The following SLC25A17 variants were observed in gnomAD, a reference collection of about 807,000 sequenced individuals.
The protein encoded by SLC25A17 is peroxisomal membrane protein PMP34.
SLC25A17 carries 26 observed loss-of-function variants against 38.5 expected under a neutral mutation model. That is an observed-to-expected ratio of 0.68 (90% CI 0.50 to 0.94). SLC25A17 has a LOEUF of 0.94. SLC25A17 is among the 40% of genes least tolerant of loss of function. SLC25A17 has a pLI of 0.00. For synonymous variants in SLC25A17, 139 were observed against 136.2 expected (o/e 1.02, Z -0.14); for missense variants, 333 against 372.7 (o/e 0.89, Z 0.88).
At chr22:40,804,296 T>A (rs1405680167) in intron 1 of SLC25A17, among the ~76,000 whole-genome samples, 2 of 152,086 alleles carry the variant, frequency 1.3e-5, no homozygotes, top group Non-Finnish European at 2.9e-5. Context: ...AGAGCAAGTG[T>A]GTACTTGGGG....
intron 8 of SLC25A17, among the ~76,000 whole-genome samples, chr22:40,773,448 TATGTGTAGCCTCTAG>T (rs2057208067): frequency 1.4e-5 from 2 of 147,250 alleles, no homozygotes; most frequent in Non-Finnish European, 3.0e-5. Context: ...TGAGATTACC[TATGTGTAGCCTCTAG>T]GTCAGTGTCT....
chr22:40,771,161 G>A (rs918090753), intron 8 of SLC25A17, among the ~76,000 whole-genome samples, 180 bp from the exon 9 acceptor site: 4 of 152,236 alleles, frequency 2.6e-5, no homozygotes, highest in Non-Finnish European at 5.9e-5. Flanking sequence ...AGGCTGGAGT[G>A]CAGTGGCGCG....
At chr22:40,784,941 A>T (rs1042643842) in intron 4 of SLC25A17, among the ~76,000 whole-genome samples, 90 of 152,318 alleles carry the variant, frequency 5.9e-4, no homozygotes, top group African/African-American at 2.1e-3. Flanking sequence ...AGTGGTAACT[A>T]ATCTGGCTGT....
chr22:40,773,449 A>G (rs1381810483), intron 8 of SLC25A17, among the ~76,000 whole-genome samples: 1 of 149,000 alleles, frequency 6.7e-6, no homozygotes, highest in Non-Finnish European at 1.5e-5. Context: ...GAGATTACCT[A>G]TGTGTAGCCT....
At chr22:40,774,370 T>C (rs374576893) in intron 7 of SLC25A17, among the ~76,000 whole-genome samples, 29 of 152,216 alleles carry the variant, frequency 1.9e-4, no homozygotes, top group Middle Eastern at 6.8e-3. Context: ...ATTATAGACA[T>C]GTACCACCAC....
rs771447103 is a variant in SLC25A17 at position 40,771,022 on chromosome 22, G to C, written c.777-41C>G. The C allele has an allele frequency of 3.5e-5, 53 of 1,498,840 alleles. 1 individual carries two copies. The South Asian group carries it at 6.8e-4, about 19-fold the overall frequency. 92.8% of individuals were successfully genotyped at this position (1,498,840 alleles called of 1,614,324 possible). On this transcript the variant is annotated intron_variant, in intron 8 of 8. Transcript: ENST00000435456. Reference sequence around the variant, plus strand: ...TTTGAAAAAACAGAAGTCAGCTCCTGCATCAGAGAACATGCTACCTAGATA... The same window carrying C: ...TTTGAAAAAACAGAAGTCAGCTCCTCCATCAGAGAACATGCTACCTAGATA...
In SLC25A17 at chr22:40,774,111, CTTA is replaced by C. The variant is rs887005544; in HGVS notation, c.694-95_694-93del. The C allele has an allele frequency of 9.8e-6, 7 of 713,854 alleles. No homozygotes were observed. The African/African-American group carries it at 1.1e-4, about 11-fold the overall frequency. The allele number at this position is 713,854 out of a possible 1,614,324, so 44.2% of individuals were successfully genotyped here. A position where few individuals can be genotyped will look rare whatever the true frequency, so the allele number is the denominator to read the frequency against. On this transcript the variant is annotated intron_variant, in intron 7 of 8. Coordinates refer to ENST00000435456, the MANE Select transcript of SLC25A17 (RefSeq NM_006358.4). Reference sequence around the variant, plus strand: ...GGAGGATATTATGTTGGAGTAGTATCTTATAGCATACATTAATAAATTTATCCA... The same window carrying C: ...GGAGGATATTATGTTGGAGTAGTATCTAGCATACATTAATAAATTTATCCA...
chr22:40,811,976 C>G (rs2057585909), intron 1 of SLC25A17, among the ~76,000 whole-genome samples: 2 of 53,800 alleles, frequency 3.7e-5, no homozygotes, highest in Non-Finnish European at 3.5e-5. Flanking sequence ...GGGGGTTCCT[C>G]TTTTTTGTGA....
chr22:40,778,190 C>A (rs1227050531), intron 5 of SLC25A17, among the ~76,000 whole-genome samples: 2 of 152,174 alleles, frequency 1.3e-5, no homozygotes, highest in African/African-American at 4.8e-5. Context: ...TATCCAAAGA[C>A]AACACTAGAA....
chr22:40,795,374 G>A (rs1228460299), intron 2 of SLC25A17, among the ~76,000 whole-genome samples: 1 of 150,748 alleles, frequency 6.6e-6, no homozygotes, highest in Non-Finnish European at 1.5e-5. Flanking sequence ...CTCACTGCAA[G>A]CTCCACCTCC....
intron 4 of SLC25A17, among the ~76,000 whole-genome samples, chr22:40,787,865 T>A (rs374824926): frequency 5.3e-5 from 8 of 152,258 alleles, no homozygotes; most frequent in African/African-American, 1.9e-4. Context: ...AAAACAAAAT[T>A]TTACAAACAT....
At chr22:40,783,503 T>C (rs2057311488) in intron 4 of SLC25A17, among the ~76,000 whole-genome samples, 1 of 152,202 alleles carries the variant, frequency 6.6e-6, no homozygotes, top group Non-Finnish European at 1.5e-5. Context: ...TTTTATTTTA[T>C]TTTGTTTTTT....
intron 7 of SLC25A17, among the ~76,000 whole-genome samples, chr22:40,776,467 T>G (rs987236666): frequency 9.2e-5 from 14 of 152,276 alleles, no homozygotes; most frequent in Admixed American, 6.5e-5. Flanking sequence ...AGCAAACTTA[T>G]GCTTTCCTGA....
At chr22:40,790,077 C>T (rs574156914) in intron 4 of SLC25A17, among the ~76,000 whole-genome samples, 20 of 151,912 alleles carry the variant, frequency 1.3e-4, no homozygotes, top group Admixed American at 9.2e-4. Context: ...CGGTGGCTCA[C>T]GCCTGTAATC....
In SLC25A17 at chr22:40,773,941, C is replaced by T. The variant is rs766425879; in HGVS notation, c.772G>A (p.Val258Ile). The part of the protein sequence containing the change: ...RNILYLLHQR[V>I]RRFGIMGLYK... Reference sequence around the variant, plus strand: ...TGAGGCATCTACAAAGCTCACCTTACTCGTTGGTGAAGAAGATAGAGAATA... The same window carrying T: ...TGAGGCATCTACAAAGCTCACCTTATTCGTTGGTGAAGAAGATAGAGAATA... Residue 258 changes from valine (V) to isoleucine (I), a missense_variant, in exon 8 of 9, where the codon GTA becomes ATA. Transcript: ENST00000435456. 3 of 1,603,784 alleles carry T rather than the reference C, an allele frequency of 1.9e-6. No individual in the cohort carries two copies. The Admixed American group carries it at 5.0e-5, about 27-fold the overall frequency.
chr22:40,804,864 CT>C (rs1270926356), intron 1 of SLC25A17, among the ~76,000 whole-genome samples: 2 of 152,004 alleles, frequency 1.3e-5, no homozygotes, highest in Non-Finnish European at 2.9e-5. Flanking sequence ...AATCCCAGCA[CT>C]TTGGGAGGTC....
In SLC25A17 at chr22:40,792,843, A is replaced by C. The variant is rs190767745; in HGVS notation, c.183-167T>G. On this transcript the variant is annotated intron_variant, in intron 3 of 8. Coordinates refer to ENST00000435456, the MANE Select transcript of SLC25A17 (RefSeq NM_006358.4). Reference sequence around the variant, plus strand: ...ACACCTCACATTCTGAAGGATGTCCAAATCAAGAAATCTATTCTAGCACTA... The same window carrying C: ...ACACCTCACATTCTGAAGGATGTCCCAATCAAGAAATCTATTCTAGCACTA... Among the ~76,000 whole-genome samples the C allele has an allele frequency of 9.0e-4, 137 of 152,352 alleles. 1 individual carries two copies. The highest frequency in any genetic ancestry group is 1.7e-3 in the Non-Finnish European group (116 of 68,032).
At chr22:40,817,712 T>G (rs1350889445) in intron 1 of SLC25A17, among the ~76,000 whole-genome samples, 1 of 152,150 alleles carries the variant, frequency 6.6e-6, no homozygotes, top group Non-Finnish European at 1.5e-5. Context: ...CCCTGTTCCC[T>G]TACATTCTAC....
At chr22:40,774,348 C>A (rs1011566971) in intron 7 of SLC25A17, among the ~76,000 whole-genome samples, 1 of 151,924 alleles carries the variant, frequency 6.6e-6, no homozygotes, top group Non-Finnish European at 1.5e-5. Flanking sequence ...CTCAGCCTCC[C>A]GAGTAGTTGG....
Sources: allele counts gnomAD v4.1 joint callset (sites outside exome capture counted in the v4.1 genomes callset), GRCh38; gene constraint gnomAD v4.1.1; transcripts MANE v1.5; gene names NCBI Gene and HGNC (gene_info 2026-07-23, HGNC 2026-07-21).